Variants in PSMG1 observed in about 807,000 individuals in gnomAD.
PSMG1 encodes the protein Down syndrome critical region gene 2.
Under a neutral mutation model 37.2 loss-of-function variants are expected in PSMG1, and 23 were observed. That is an observed-to-expected ratio of 0.62 (90% confidence interval 0.44 to 0.88). PSMG1 has a LOEUF of 0.88. Ranked by LOEUF, PSMG1 falls within the 40% of genes least tolerant of loss-of-function variation. The pLI is 0.00. For missense variants in PSMG1, 340 were observed against 344.2 expected (o/e 0.99, Z 0.10); for synonymous variants, 127 against 128.0 (o/e 0.99, Z 0.05).
chr21:39,178,425 A>G, intron 5 of PSMG1, 24 bp downstream of exon 5: 2 of 1,582,516 alleles, frequency 1.3e-6, no homozygotes, highest in Non-Finnish European at 1.7e-6. Context: ...GATAGAATGT[A>G]AATGTTACAA....
rs2030946358 is a variant in PSMG1 at position 39,183,323 on chromosome 21, T to C, written c.63A>G (p.Glu21=). The change falls in exon 1 of 7, where the codon GAA becomes GAG. Residue 21 remains glutamate (E), a synonymous_variant. Coordinates refer to ENST00000331573, the MANE Select transcript of PSMG1 (RefSeq NM_003720.4). ...KAPCRAGTED[E]EEEEEGRRET... is the part of the protein sequence containing the mutation. Reference sequence around the variant, plus strand: ...CCCTCCGCCCCTCCTCCTCCTCCTCTTCGTCCTCAGTCCCAGCTCGGCACG... The same window carrying C: ...CCCTCCGCCCCTCCTCCTCCTCCTCCTCGTCCTCAGTCCCAGCTCGGCACG... 3 of 1,578,720 alleles carry C rather than the reference T, an allele frequency of 1.9e-6. No individual in the cohort carries two copies. Among genetic ancestry groups the C allele is most frequent in the Non-Finnish European group, 1.7e-6 (2 of 1,164,910 alleles).
intron 1 of PSMG1, 159 bp downstream of exon 1, chr21:39,183,081 GGACGCCGCGGCT>G (rs1569144609): frequency 1.2e-6 from 1 of 833,010 alleles, no homozygotes; most frequent in Non-Finnish European, 1.7e-6. Context: ...TGGCGCCGCT[GGACGCCGCGGCT>G]TCACGGAGAC....
rs1046257414 is a variant in PSMG1, at chr21:39,175,756, C to A, written c.793-92G>T. 252 of 832,452 alleles carry A rather than the reference C, an allele frequency of 3.0e-4. 4 individuals are homozygous for A. Among genetic ancestry groups the A allele is most frequent in the Middle Eastern group, 4.5e-4 (2 of 4,404 alleles). The allele number at this position is 832,452 out of a possible 1,614,324, so 51.6% of individuals were successfully genotyped here. A position where few individuals can be genotyped will look rare whatever the true frequency, so the allele number is the denominator to read the frequency against. The stretch of plus-strand genomic sequence containing the variant: ...CTCCACGACCAACAATCTCCACACT[C>A]GAGACTTAAAAACAGCCATGGGACA... On this transcript the variant is annotated intron_variant, in intron 6 of 6. Coordinates refer to ENST00000331573, the MANE Select transcript of PSMG1 (RefSeq NM_003720.4).
At chr21:39,179,487 C>T (rs2030744373) in intron 4 of PSMG1, among the ~76,000 whole-genome samples, 1 of 152,172 alleles carries the variant, frequency 6.6e-6, no homozygotes. Flanking sequence ...AATTACTACA[C>T]TTATAGGTAA....
upstream of PSMG1, chr21:39,183,487 C>T (rs2030960091): frequency 7.3e-7 from 1 of 1,376,010 alleles, no homozygotes; most frequent in African/African-American, 1.5e-5. Context: ...AAGTCCCGCC[C>T]CGCACAGGCC....
intron 1 of PSMG1, 24 bp from the exon 2 acceptor site, chr21:39,181,902 C>T (rs775444994): frequency 6.6e-7 from 1 of 1,513,360 alleles, no homozygotes; most frequent in Admixed American, 2.2e-5. Flanking sequence ...CAAGATGAAA[C>T]TAAAGCAACT....
Position 39,183,418 on chromosome 21 carries a change from G to T in PSMG1, c.-33C>A. ...CCGTGACCGGCTGGACACAACTGCA[G>T]CGCCGCGGGACCGCACGCCGGCTTG... is the stretch of plus-strand genomic sequence containing the variant. On this transcript the variant is annotated 5_prime_UTR_variant, in exon 1 of 7. The change creates a new upstream start codon in the 5' untranslated region. Transcript: ENST00000331573. 6.4e-7 allele frequency: 1 copy of T among 1,558,682 alleles called. No homozygotes were observed. The highest frequency in any genetic ancestry group is 8.6e-7 in the Non-Finnish European group (1 of 1,157,816).
intron 4 of PSMG1, chr21:39,178,898 G>A (rs1395409917): frequency 2.2e-6 from 1 of 460,326 alleles, no homozygotes; most frequent in East Asian, 4.0e-5. Flanking sequence ...TTAGATGCCT[G>A]TCCCCTCCAA....
At chr21:39,180,492 T>G in intron 2 of PSMG1, 56 bp from the exon 3 acceptor site, 1 of 1,476,932 alleles carries the variant, frequency 6.8e-7, no homozygotes, top group Non-Finnish European at 9.0e-7. Flanking sequence ...ATATTTTCTA[T>G]TCAATAAAAA....
At chr21:39,180,528 G>T (rs1426396072) in intron 2 of PSMG1, 92 bp from the exon 3 acceptor site, 2 of 1,340,294 alleles carry the variant, frequency 1.5e-6, no homozygotes, top group Admixed American at 5.2e-5. Context: ...TGTAGAATTT[G>T]AGAGCTGAAA....
chr21:39,181,812 C>T lies in PSMG1; in HGVS notation c.201G>A (p.Pro67=), dbSNP rs142099337. The part of the protein sequence containing the change: ...SLEVSLLEKY[P]CSKFIIAIGN... ...CTATAGCAATTATAAACTTGGAGCACGGATATTTTTCTAGCAAAGAAACTT... is the reference window on the plus strand; with the variant it reads ...CTATAGCAATTATAAACTTGGAGCATGGATATTTTTCTAGCAAAGAAACTT... Residue 67 remains proline, a synonymous_variant, in exon 2 of 7, where the codon CCG becomes CCA. Transcript: ENST00000331573. 269 of 1,593,920 alleles carry T rather than the reference C, an allele frequency of 1.7e-4. 1 individual carries two copies. The East Asian group carries it at 5.9e-3, about 35-fold the overall frequency.
rs771114741 is a variant in PSMG1 at position 39,181,895 on chromosome 21, G to C, written c.135-17C>G. ...CGCACTTCCCTAACACAAGAAACAA[G>C]ATGAAACTAAAGCAACTTCAATATA... On this transcript the variant is annotated splice_polypyrimidine_tract_variant and intron_variant, in intron 1 of 6. Coordinates refer to ENST00000331573, the MANE Select transcript of PSMG1 (RefSeq NM_003720.4). 1 of 1,543,270 alleles carries C rather than the reference G, an allele frequency of 6.5e-7. No homozygotes were observed.
intron 6 of PSMG1, among the ~76,000 whole-genome samples, chr21:39,176,425 G>A (rs1012735447): frequency 2.0e-5 from 3 of 152,242 alleles, no homozygotes; most frequent in Non-Finnish European, 4.4e-5. Context: ...ACTCATCTCT[G>A]AGTTAAGTGG....
At position 39,179,832 on chromosome 21, in the gene PSMG1, G is replaced by A. The variant is rs769451775; in HGVS notation, c.456+92C>T. ...CAATATTTTAAAGAAATAAATATCT[G>A]ACTGCATAAGTTTAAGTTAAAAGAC... On this transcript the variant is annotated intron_variant, in intron 4 of 6. Coordinates refer to ENST00000331573, the MANE Select transcript of PSMG1 (RefSeq NM_003720.4). The A allele has an allele frequency of 5.9e-6, 6 of 1,017,184 alleles. No homozygotes were observed. In the South Asian group the frequency reaches 7.9e-5, roughly 13 times the overall value. 63.0% of individuals were successfully genotyped at this position (1,017,184 alleles called of 1,614,324 possible).
chr21:39,180,058 A>G (rs1003284063), intron 3 of PSMG1, 72 bp from the exon 4 acceptor site: 2 of 1,457,822 alleles, frequency 1.4e-6, no homozygotes, highest in African/African-American at 2.8e-5. Flanking sequence ...CATATATGTA[A>G]CATGTGAATG....
Position 39,179,317 on chromosome 21 carries a change from A to C in PSMG1, c.456+607T>G, listed in dbSNP as rs145905544. ...ACGTAATGCCAGCACTACCTACTTAAGGGGCCTGCGATGTGGAGTAAATGA... is the reference window on the plus strand; with the variant it reads ...ACGTAATGCCAGCACTACCTACTTACGGGGCCTGCGATGTGGAGTAAATGA... On this transcript the variant is annotated intron_variant, in intron 4 of 6. Transcript: ENST00000331573. Among the ~76,000 whole-genome samples, 12 of 152,306 alleles carry C rather than the reference A, an allele frequency of 7.9e-5. No individual in the cohort carries two copies. The East Asian group carries it at 1.9e-3, about 25-fold the overall frequency.
chr21:39,183,337 C>G lies in PSMG1; in HGVS notation c.49G>C (p.Gly17Arg). 1 of 1,575,000 alleles carries G rather than the reference C, an allele frequency of 6.3e-7. No individual in the cohort carries two copies. Among genetic ancestry groups the G allele is most frequent in the Non-Finnish European group, 8.6e-7 (1 of 1,163,260 alleles). Residue 17 changes from glycine to arginine, a missense_variant, in exon 1 of 7, where the codon GGG becomes CGG. By Grantham distance (125) the Gly-to-Arg change is moderately radical. Transcript: ENST00000331573. ...GEVVKAPCRA[G>R]TEDEEEEEEG... Reference sequence around the variant, plus strand: ...TCCTCCTCCTCTTCGTCCTCAGTCCCAGCTCGGCACGGCGCCTTCACCACC... The same window carrying G: ...TCCTCCTCCTCTTCGTCCTCAGTCCGAGCTCGGCACGGCGCCTTCACCACC...
intron 2 of PSMG1, 61 bp from the exon 3 acceptor site, chr21:39,180,497 T>C: frequency 6.9e-7 from 1 of 1,459,534 alleles, no homozygotes; most frequent in Non-Finnish European, 9.1e-7. Flanking sequence ...TTCTATTCAA[T>C]AAAAAGTAAG....
At chr21:39,181,187 G>A (rs150262722) in intron 2 of PSMG1, among the ~76,000 whole-genome samples, 3 of 152,178 alleles carry the variant, frequency 2.0e-5, no homozygotes, top group East Asian at 3.9e-4. Flanking sequence ...GCTGGAGCAC[G>A]ATCAGTGGGA....
Sources: gnomAD v4.1 joint callset for allele counts (sites outside exome capture counted in the v4.1 genomes callset) on GRCh38, gnomAD v4.1.1 for gene constraint, MANE v1.5 for transcripts, NCBI Gene and HGNC (gene_info 2026-07-23, HGNC 2026-07-21) for gene names.